Variants in ALK observed in about 807,000 individuals in gnomAD.
ALK encodes ALK tyrosine kinase receptor.
A neutral mutation model predicts 163.1 loss-of-function variants in ALK; 74 were observed. The ratio of observed to expected loss-of-function variants is 0.45; its 90% CI spans 0.38 to 0.55. The LOEUF (loss-of-function observed/expected upper bound fraction) is 0.55, where lower values mean the gene tolerates loss of function less well. Ranked by LOEUF, ALK falls within the 20% of genes least tolerant of loss-of-function variation. ALK has a pLI of 0.00. For missense variants in ALK, 2,063 were observed against 2,105.3 expected, an observed-to-expected ratio of 0.98 and a Z score of 0.39; for synonymous variants, 960 against 843.2, an observed-to-expected ratio of 1.14 and a Z score of -2.40.
chr2:29,756,128 G>A (rs995070939), intron 1 of ALK, among the ~76,000 whole-genome samples: 3 of 152,110 alleles, frequency 2.0e-5, no homozygotes, highest in Non-Finnish European at 4.4e-5. Flanking sequence ...AACATTCTGG[G>A]CCTACCCCGC....
At chr2:29,525,633 T>C (rs949136578) in intron 4 of ALK, among the ~76,000 whole-genome samples, 3 of 151,564 alleles carry the variant, frequency 2.0e-5, no homozygotes, top group African/African-American at 4.8e-5. Flanking sequence ...CTACTAAAAA[T>C]ACAAAAATTA....
At chr2:29,818,041 C>A (rs1251078002) in intron 1 of ALK, among the ~76,000 whole-genome samples, 1 of 152,228 alleles carries the variant, frequency 6.6e-6, no homozygotes, top group Non-Finnish European at 1.5e-5. Context: ...CCACAGAGAA[C>A]AAAGTGCATT....
At chr2:29,210,539 TCTC>T (rs1165268520) in intron 24 of ALK, among the ~76,000 whole-genome samples, 3 of 152,186 alleles carry the variant, frequency 2.0e-5, no homozygotes, top group South Asian at 2.1e-4. Context: ...TTCAAGCAAT[TCTC>T]CTATTTCAGC....
chr2:29,517,410 C>A (rs1179497594), intron 4 of ALK, among the ~76,000 whole-genome samples: 1 of 152,200 alleles, frequency 6.6e-6, no homozygotes, highest in Non-Finnish European at 1.5e-5. Flanking sequence ...ATTCAAGCAG[C>A]TTTTACTGGG....
chr2:29,491,817 G>C (rs146853541), intron 4 of ALK, among the ~76,000 whole-genome samples: 137 of 152,334 alleles, frequency 9.0e-4, no homozygotes, highest in African/African-American at 3.1e-3. Context: ...GGCTCGGAGA[G>C]AAGCACAAAA....
intron 4 of ALK, among the ~76,000 whole-genome samples, chr2:29,506,207 C>A (rs906430762): frequency 9.2e-5 from 14 of 152,192 alleles, no homozygotes; most frequent in African/African-American, 3.4e-4. Flanking sequence ...GATCAGGGAT[C>A]AAACTTTGGG....
At chr2:29,335,147 T>C (rs1045931453) in intron 5 of ALK, among the ~76,000 whole-genome samples, 3 of 152,202 alleles carry the variant, frequency 2.0e-5, no homozygotes, top group South Asian at 2.1e-4. Flanking sequence ...ATGTGGTTCC[T>C]GGTAACCACT....
chr2:29,374,392 C>A (rs1376332318), intron 5 of ALK, among the ~76,000 whole-genome samples: 1 of 151,720 alleles, frequency 6.6e-6, no homozygotes, highest in African/African-American at 2.4e-5. Flanking sequence ...AATCTCTCTC[C>A]TACATTGGAA....
At chr2:29,730,330 G>A (rs1039016220) in intron 1 of ALK, among the ~76,000 whole-genome samples, 1 of 152,158 alleles carries the variant, frequency 6.6e-6, no homozygotes, top group East Asian at 1.9e-4. Context: ...GTCATAAGAA[G>A]CAAAGACTAT....
In ALK at chr2:29,227,731, A is replaced by C; in HGVS notation, c.2816-59T>G. 7.3e-7 allele frequency: 1 copy of C among 1,361,136 alleles called. No individual in the cohort carries two copies. Among genetic ancestry groups the C allele is most frequent in the South Asian group, 1.2e-5 (1 of 85,734 alleles). The allele number at this position is 1,361,136 out of a possible 1,614,324, so 84.3% of individuals were successfully genotyped here. On this transcript the variant is annotated intron_variant, in intron 16 of 28. Coordinates refer to ENST00000389048, the MANE Select transcript of ALK (RefSeq NM_004304.5). The surrounding 1 kb of genome is among the most constrained non-coding windows in gnomAD (Gnocchi z 4.4). ...GGGGTGGGTGCCAAAATCTTAACAC[A>C]CACACACGTCAGTGGGGCATGCAGC...
chr2:29,713,168 G>A (rs1415900431), intron 2 of ALK, among the ~76,000 whole-genome samples: 2 of 152,152 alleles, frequency 1.3e-5, no homozygotes, highest in African/African-American at 2.4e-5. Flanking sequence ...TAGTTACATG[G>A]TGTGCACCCT....
chr2:29,866,266 C>T (rs896883653), intron 1 of ALK, among the ~76,000 whole-genome samples: 6 of 152,184 alleles, frequency 3.9e-5, no homozygotes, highest in African/African-American at 1.4e-4. Flanking sequence ...CATCCTTTCT[C>T]ATCTCTAGCA....
intron 1 of ALK, among the ~76,000 whole-genome samples, chr2:29,872,141 C>A (rs1666592075): frequency 6.6e-6 from 1 of 152,152 alleles, no homozygotes; most frequent in Non-Finnish European, 1.5e-5. Flanking sequence ...AGAGAGGAGA[C>A]CCCAGAATAT....
intron 1 of ALK, among the ~76,000 whole-genome samples, chr2:29,849,633 C>G (rs1338933592): frequency 1.3e-5 from 2 of 152,200 alleles, no homozygotes; most frequent in Non-Finnish European, 2.9e-5. Context: ...GTGTCCACAC[C>G]AAGCCATCTT....
chr2:29,453,786 G>T (rs2148095002), intron 4 of ALK, among the ~76,000 whole-genome samples: 1 of 152,068 alleles, frequency 6.6e-6, no homozygotes, highest in East Asian at 1.9e-4. Context: ...GCACAGTTTT[G>T]GGAAAATTTG....
rs771252230 is a variant in ALK, at chr2:29,193,815, G to A, written c.4272C>T (p.Leu1424=). 3.1e-6 allele frequency: 5 copies of A among 1,606,136 alleles called. No individual in the cohort carries two copies. The East Asian group carries it at 1.1e-4, about 36-fold the overall frequency. ...RPKDPEGVPP[L]LVSQQAKREE... ...CCCGTTTTGCCTGTTGAGAGACCAG[G>A]AGAGGAGGAACCCCCTCAGGGTCCT... The change falls in exon 29 of 29, where the codon CTC becomes CTT. Residue 1424 remains leucine, a synonymous_variant. Transcript: ENST00000389048.
Position 29,717,705 on chromosome 2 carries a change from T to C in ALK, c.668-8A>G. 1 of 1,613,966 alleles carries C rather than the reference T, an allele frequency of 6.2e-7. No homozygotes were observed. On this transcript the variant is annotated splice_region_variant and splice_polypyrimidine_tract_variant and intron_variant, in intron 1 of 28. Transcript: ENST00000389048. ...ATTCCAAGGAGCTATGACCTGGACA[T>C]AAAAATAAAGAAAACACTGATCCAT...
intron 4 of ALK, among the ~76,000 whole-genome samples, chr2:29,444,181 C>A (rs113466912): frequency 2.0e-5 from 3 of 152,112 alleles, no homozygotes; most frequent in African/African-American, 7.2e-5. Flanking sequence ...GAGAGTGAAT[C>A]GGGAGCTCCA....
chr2:29,626,477 G>A (rs1676197565), intron 3 of ALK, among the ~76,000 whole-genome samples: 1 of 152,176 alleles, frequency 6.6e-6, no homozygotes, highest in South Asian at 2.1e-4. Context: ...TGCCATGATT[G>A]TGAGGCTTCC....
Sources: allele counts gnomAD v4.1 joint callset (sites outside exome capture counted in the v4.1 genomes callset), GRCh38; gene constraint gnomAD v4.1.1; non-coding constraint Gnocchi (gnomAD v3.1); transcripts MANE v1.5; gene names NCBI Gene and HGNC (gene_info 2026-07-23, HGNC 2026-07-21).